LGR6: variants seen among roughly 807,000 people sequenced by gnomAD.
The protein encoded by LGR6 is leucine rich repeat containing G protein-coupled receptor 6.
LGR6 carries 45 observed loss-of-function variants against 69.4 expected under a neutral mutation model. The observed-to-expected ratio is 0.65, with a 90% confidence interval of 0.51 to 0.83. The LOEUF (loss-of-function observed/expected upper bound fraction) is 0.83. LGR6 is among the 40% of genes least tolerant of loss of function. The probability of loss-of-function intolerance (pLI) is 0.00; values close to 1 mark genes in which losing one functional copy is unlikely to be tolerated. For synonymous variants in LGR6, 538 were observed against 555.0 expected (o/e 0.97, Z 0.43); for missense variants, 1,108 against 1,246.7 (o/e 0.89, Z 1.68).
At chr1:202,249,693 TC>T (rs1663067071) in intron 4 of LGR6, among the ~76,000 whole-genome samples, 1 of 152,186 alleles carries the variant, frequency 6.6e-6, no homozygotes, top group Non-Finnish European at 1.5e-5. Context: ...CTTAACTCTT[TC>T]ACCACTGCAT....
intron 4 of LGR6, among the ~76,000 whole-genome samples, chr1:202,267,875 TATTGA>T (rs906871462): frequency 6.6e-6 from 1 of 152,168 alleles, no homozygotes; most frequent in Non-Finnish European, 1.5e-5. Flanking sequence ...AATCCAATCC[TATTGA>T]ATTGAAGACA....
chr1:202,258,742 G>T (rs1663988874), intron 4 of LGR6, among the ~76,000 whole-genome samples: 1 of 151,608 alleles, frequency 6.6e-6, no homozygotes, highest in Admixed American at 6.6e-5. Context: ...GATTCTCTTG[G>T]AATTTATAGA....
In LGR6 at chr1:202,319,289, TACA is replaced by T; in HGVS notation, c.*85_*87del. On this transcript the variant is annotated 3_prime_UTR_variant, in exon 18 of 18. Transcript: ENST00000367278. ...GAATGATGGCTGCTTCTAAAACAAA[TACA>T]ACCAAAACTCAGCAGTGTGATCTAT... The T allele has an allele frequency of 7.1e-7, 1 of 1,406,980 alleles. No homozygotes were observed. Among genetic ancestry groups the T allele is most frequent in the Non-Finnish European group, 9.5e-7 (1 of 1,057,520 alleles). The allele number at this position is 1,406,980 out of a possible 1,614,324, so 87.2% of individuals were successfully genotyped here. A position where few individuals can be genotyped will look rare whatever the true frequency, so the allele number is the denominator to read the frequency against.
At chr1:202,290,836 C>T (rs1459695349) in intron 6 of LGR6, among the ~76,000 whole-genome samples, 1 of 152,096 alleles carries the variant, frequency 6.6e-6, no homozygotes, top group East Asian at 1.9e-4. Flanking sequence ...TGCCCTCCAG[C>T]CTGGGCAACA....
chr1:202,276,283 CT>C (rs1420026971), intron 4 of LGR6, 22 bp from the exon 5 acceptor site: 1 of 1,597,800 alleles, frequency 6.3e-7, no homozygotes, highest in Admixed American at 1.7e-5. Flanking sequence ...GGATTGACCC[CT>C]CTCCATCCTC....
At chr1:202,256,497 C>G (rs2148082451) in intron 4 of LGR6, among the ~76,000 whole-genome samples, 1 of 152,332 alleles carries the variant, frequency 6.6e-6, no homozygotes, top group South Asian at 2.1e-4. Flanking sequence ...CCTGCCTCGG[C>G]CTCCCAAAGT....
chr1:202,265,548 CCTT>C (rs374251819), intron 4 of LGR6, among the ~76,000 whole-genome samples: 16 of 152,316 alleles, frequency 1.1e-4, no homozygotes, highest in South Asian at 2.1e-4. Flanking sequence ...TCGGTGAACA[CCTT>C]CTTCTTCTCC....
intron 6 of LGR6, among the ~76,000 whole-genome samples, chr1:202,291,094 T>C (rs1666759320): frequency 6.6e-6 from 1 of 152,190 alleles, no homozygotes; most frequent in South Asian, 2.1e-4. Context: ...TTGCATGGAT[T>C]TGCCATTTGT....
intron 4 of LGR6, among the ~76,000 whole-genome samples, chr1:202,256,864 T>C (rs898008217): frequency 6.6e-5 from 10 of 152,340 alleles, no homozygotes; most frequent in African/African-American, 2.4e-4. Flanking sequence ...TTTCTCCACA[T>C]CCTTGCCAAC....
At position 202,248,536 on chromosome 1, in the gene LGR6, T is replaced by TC. The variant is rs1662950679; in HGVS notation, c.428+12546dup. On this transcript the variant is annotated intron_variant, in intron 4 of 17. Coordinates refer to ENST00000367278, the MANE Select transcript of LGR6 (RefSeq NM_001017403.2). ...TTGGAGCCAGCTCCTTCCTTTGCCC[T>TC]CCCTTAAACGACTCTAGCAAGGCCT... Among the ~76,000 whole-genome samples, 3 of 147,426 alleles carry TC rather than the reference T, an allele frequency of 2.0e-5. No homozygotes were observed. In the South Asian group the frequency reaches 7.3e-4, roughly 36 times the overall value.
intron 1 of LGR6, among the ~76,000 whole-genome samples, chr1:202,214,505 G>A (rs1200837560): frequency 2.0e-5 from 3 of 151,952 alleles, no homozygotes; most frequent in African/African-American, 7.2e-5. Flanking sequence ...CCCCGCCCCC[G>A]GGGCCGCCGC....
intron 16 of LGR6, among the ~76,000 whole-genome samples, chr1:202,314,439 C>T (rs559812365): frequency 6.6e-6 from 1 of 152,188 alleles, no homozygotes; most frequent in Non-Finnish European, 1.5e-5. Context: ...AGTGACAGCC[C>T]AGCCAGAGTA....
intron 4 of LGR6, among the ~76,000 whole-genome samples, chr1:202,243,245 C>T (rs557530212): frequency 3.3e-5 from 5 of 152,218 alleles, no homozygotes; most frequent in South Asian, 2.1e-4. Flanking sequence ...TCAGCTGGGG[C>T]GTGCCTGGGG....
chr1:202,219,269 A>G (rs1020812920), intron 1 of LGR6, among the ~76,000 whole-genome samples: 4 of 152,126 alleles, frequency 2.6e-5, no homozygotes, highest in African/African-American at 7.2e-5. Flanking sequence ...CCAAACCACG[A>G]GCTGTCTCCT....
Position 202,319,546 on chromosome 1 carries a change from T to TG in LGR6, c.*341dup. 1 of 240,804 alleles carries TG rather than the reference T, an allele frequency of 4.2e-6. No homozygotes were observed. The highest frequency in any genetic ancestry group is 8.0e-6 in the Non-Finnish European group (1 of 124,346). 14.9% of individuals were successfully genotyped at this position (240,804 alleles called of 1,614,324 possible). A position where few individuals can be genotyped will look rare whatever the true frequency, so the allele number is the denominator to read the frequency against. ...GGGTGGAGGGTTGATCAGGGCACAG[T>TG]GGACAGGGAGACCTCACAGAGAAAG... On this transcript the variant is annotated 3_prime_UTR_variant, in exon 18 of 18. Transcript: ENST00000367278.
At chr1:202,270,183 G>A (rs992544691) in intron 4 of LGR6, among the ~76,000 whole-genome samples, 1 of 151,910 alleles carries the variant, frequency 6.6e-6, no homozygotes, top group African/African-American at 2.4e-5. Context: ...CGCTTTTGGG[G>A]AACTAGACTG....
intron 1 of LGR6, among the ~76,000 whole-genome samples, chr1:202,204,672 C>T (rs111205723): frequency 1.1e-3 from 25 of 23,190 alleles, no homozygotes; most frequent in African/African-American, 1.6e-3. Context: ...CACACACACG[C>T]CTCCAAACAC....
At chr1:202,240,442 C>T (rs1288427228) in intron 4 of LGR6, among the ~76,000 whole-genome samples, 1 of 150,834 alleles carries the variant, frequency 6.6e-6, no homozygotes, top group Non-Finnish European at 1.5e-5. Context: ...GGGGAGGGTG[C>T]AGGGAAAGGG....
At chr1:202,196,607 T>A (rs537782275) in intron 1 of LGR6, among the ~76,000 whole-genome samples, 1 of 152,160 alleles carries the variant, frequency 6.6e-6, no homozygotes, top group Non-Finnish European at 1.5e-5. Context: ...CATGTGTACA[T>A]GGAGATGAGG....
Sources: allele counts gnomAD v4.1 joint callset (sites outside exome capture counted in the v4.1 genomes callset), GRCh38; gene constraint gnomAD v4.1.1; transcripts MANE v1.5; gene names NCBI Gene and HGNC (gene_info 2026-07-23, HGNC 2026-07-21).